FIRRM: variants seen among roughly 807,000 people sequenced by gnomAD.
FIRRM encodes FIGNL1-interacting regulator of recombination and mitosis.
chr1:169,853,874 G>A, the FIRRM span: 2 of 1,298,542 alleles, frequency 1.5e-6, no homozygotes, highest in South Asian at 1.2e-5. Context: ...ATCTTTTGAT[G>A]CCAGAAACAC....
the FIRRM span, among the ~76,000 whole-genome samples, chr1:169,788,718 C>CT: frequency 1.4e-4 from 21 of 151,380 alleles, no homozygotes; most frequent in Admixed American, 2.6e-4. Flanking sequence ...TGCGTCAAAT[C>CT]TTTTTTTTTG....
At chr1:169,850,318 G>C in the FIRRM span, 2 of 1,609,766 alleles carry the variant, frequency 1.2e-6, no homozygotes, top group South Asian at 1.1e-5. Flanking sequence ...AAGAAACTAA[G>C]AACAAAGTTG....
the FIRRM span, chr1:169,854,019 C>T: frequency 3.5e-6 from 2 of 577,084 alleles, no homozygotes; most frequent in East Asian, 2.9e-5. Context: ...ACACCAAATC[C>T]TTATTTTAAT....
the FIRRM span, chr1:169,795,213 C>G: frequency 6.5e-7 from 1 of 1,535,796 alleles, no homozygotes; most frequent in South Asian, 1.2e-5. Flanking sequence ...CCCGACTCCT[C>G]ATATCCTTCC....
At chr1:169,819,940 A>C in the FIRRM span, among the ~76,000 whole-genome samples, 10 of 152,208 alleles carry the variant, frequency 6.6e-5, no homozygotes, top group African/African-American at 2.4e-4. Flanking sequence ...CTCCAGCACT[A>C]GGCAATTTCC....
chr1:169,828,614 C>T, the FIRRM span, among the ~76,000 whole-genome samples: 2 of 151,804 alleles, frequency 1.3e-5, no homozygotes, highest in African/African-American at 4.8e-5. Flanking sequence ...AGTGGCATGA[C>T]CATGGGTCAC....
At chr1:169,851,905 C>T in the FIRRM span, 2 of 1,614,012 alleles carry the variant, frequency 1.2e-6, no homozygotes, top group Non-Finnish European at 1.7e-6. Context: ...GCTAATGTGA[C>T]TGTAGAAGAA....
At chr1:169,804,585 A>G in the FIRRM span, among the ~76,000 whole-genome samples, 1 of 152,230 alleles carries the variant, frequency 6.6e-6, no homozygotes, top group Non-Finnish European at 1.5e-5. Context: ...ATACATATAA[A>G]TACGTGCATA....
At chr1:169,812,651 G>A in the FIRRM span, among the ~76,000 whole-genome samples, 17 of 152,104 alleles carry the variant, frequency 1.1e-4, no homozygotes. Flanking sequence ...TGAGCTAGGA[G>A]TTCGAGACCA....
At chr1:169,803,100 C>A in the FIRRM span, 1 of 1,409,232 alleles carries the variant, frequency 7.1e-7, no homozygotes, top group Non-Finnish European at 9.9e-7. Flanking sequence ...TAGCACCCAG[C>A]ATGCTGACTA....
the FIRRM span, among the ~76,000 whole-genome samples, chr1:169,841,178 A>G: frequency 6.6e-6 from 1 of 152,168 alleles, no homozygotes; most frequent in Non-Finnish European, 1.5e-5. Flanking sequence ...GGATTTTATC[A>G]AAAGCTTTTT....
the FIRRM span, among the ~76,000 whole-genome samples, chr1:169,848,373 C>A: frequency 6.6e-6 from 1 of 152,138 alleles, no homozygotes; most frequent in Non-Finnish European, 1.5e-5. Flanking sequence ...TTGAGAATTA[C>A]GCCTTCCTTA....
At chr1:169,835,027 T>C in the FIRRM span, among the ~76,000 whole-genome samples, 1 of 152,032 alleles carries the variant, frequency 6.6e-6, no homozygotes, top group African/African-American at 2.4e-5. Flanking sequence ...ACAGGATGAA[T>C]GTGGAAGGTG....
chr1:169,853,256 C>G, the FIRRM span: 1 of 419,310 alleles, frequency 2.4e-6, no homozygotes, highest in Non-Finnish European at 4.2e-6. Context: ...AATAAGCTGC[C>G]TAAGGAAACC....
At chr1:169,830,739 G>A in the FIRRM span, 1 of 1,613,632 alleles carries the variant, frequency 6.2e-7, no homozygotes, top group South Asian at 1.1e-5. Context: ...CACCATAGTG[G>A]CTCATCTGGT....
the FIRRM span, chr1:169,806,183 T>C: frequency 7.1e-5 from 52 of 728,304 alleles, no homozygotes; most frequent in African/African-American, 9.5e-4. Context: ...TTTAAAACAT[T>C]TTGTGTGAAT....
chr1:169,799,890 C>T, the FIRRM span, among the ~76,000 whole-genome samples: 2 of 152,030 alleles, frequency 1.3e-5, no homozygotes, highest in Non-Finnish European at 2.9e-5. Context: ...GACAAGATCT[C>T]ACTCTATTGC....
chr1:169,795,007 G>T, the FIRRM span: 1 of 952,160 alleles, frequency 1.1e-6, no homozygotes, highest in Non-Finnish European at 1.6e-6. Flanking sequence ...CTATGGTTTT[G>T]GAGCCGGCGG....
the FIRRM span, chr1:169,830,390 C>A: frequency 1.4e-6 from 2 of 1,414,350 alleles, no homozygotes; most frequent in South Asian, 1.2e-5. Flanking sequence ...TTAGTAGTGA[C>A]TGACAGTAGA....
Sources: allele counts gnomAD v4.1 joint callset (sites outside exome capture counted in the v4.1 genomes callset), GRCh38; gene constraint gnomAD v4.1.1; transcripts MANE v1.5; gene names NCBI Gene and HGNC (gene_info 2026-07-23, HGNC 2026-07-21).